The following FBXL17 variants were observed in gnomAD, a reference collection of about 807,000 sequenced individuals.
FBXL17 encodes F-box/LRR-repeat protein 17.
A neutral mutation model predicts 66.2 loss-of-function variants in FBXL17; 22 were observed. That is an observed-to-expected ratio of 0.33 (90% confidence interval 0.24 to 0.47). FBXL17 has a LOEUF of 0.47. Among genes scored for constraint, FBXL17 ranks in the 20% least tolerant of loss-of-function variants. FBXL17 has a pLI of 1.00. For synonymous variants in FBXL17, 474 were observed against 400.5 expected (o/e 1.18, Z -2.19); for missense variants, 878 against 948.2 (o/e 0.93, Z 0.97).
At chr5:107,936,678 T>C (rs76825248) in intron 7 of FBXL17, among the ~76,000 whole-genome samples, 1,994 of 152,268 alleles carry the variant, frequency 0.013, 36 homozygotes, top group Non-Finnish European at 0.016. Context: ...TACAGTGATC[T>C]GCTTGTGGAA....
At chr5:108,047,846 A>G (rs557948215) in intron 6 of FBXL17, among the ~76,000 whole-genome samples, 2 of 152,312 alleles carry the variant, frequency 1.3e-5, no homozygotes, top group East Asian at 3.9e-4. Context: ...GCAGACCAGC[A>G]GACTTAACCT....
chr5:107,923,807 G>T (rs780696578), intron 7 of FBXL17, among the ~76,000 whole-genome samples: 3 of 152,074 alleles, frequency 2.0e-5, no homozygotes, highest in Non-Finnish European at 4.4e-5. Flanking sequence ...ACTGTGGGAG[G>T]CACTGTCCTT....
chr5:108,277,441 T>C (rs968271844), intron 4 of FBXL17, among the ~76,000 whole-genome samples: 7 of 151,828 alleles, frequency 4.6e-5, no homozygotes, highest in Non-Finnish European at 1.0e-4. Context: ...AAAATTAAAA[T>C]TGAAGAGTAA....
At chr5:108,058,011 T>C (rs1417168164) in intron 6 of FBXL17, among the ~76,000 whole-genome samples, 2 of 152,180 alleles carry the variant, frequency 1.3e-5, no homozygotes, top group African/African-American at 2.4e-5. Context: ...ATATTCTATG[T>C]TGTGCAAAGT....
chr5:107,980,645 A>T (rs796179165), intron 7 of FBXL17, among the ~76,000 whole-genome samples: 2,171 of 76,076 alleles, frequency 0.029, 70 homozygotes, highest in East Asian at 0.066. Context: ...CCAATAAAAT[A>T]ATATATATAT....
intron 6 of FBXL17, among the ~76,000 whole-genome samples, chr5:108,143,436 T>C (rs529188112): frequency 1.3e-5 from 2 of 152,056 alleles, no homozygotes; most frequent in Admixed American, 1.3e-4. Flanking sequence ...ATAAAGAACA[T>C]GAAGTGTAAC....
chr5:108,113,251 G>T (rs1219291919), intron 6 of FBXL17, among the ~76,000 whole-genome samples: 2 of 152,104 alleles, frequency 1.3e-5, no homozygotes, highest in Admixed American at 1.3e-4. Context: ...AACCTGACTA[G>T]ATCTCAGTCT....
chr5:107,881,027 CA>C lies in FBXL17; in HGVS notation c.1965+9del, dbSNP rs1265961785. On this transcript the variant is annotated intron_variant, in intron 8 of 8. Coordinates refer to ENST00000542267, the MANE Select transcript of FBXL17 (RefSeq NM_001163315.3). ...TGTAGAAAGCAAACAACTTGATAGTCAACTCTTACTTTATCACATCTCATCA... is the reference window on the plus strand; with the variant it reads ...TGTAGAAAGCAAACAACTTGATAGTCACTCTTACTTTATCACATCTCATCA... The C allele has an allele frequency of 6.2e-7, 1 of 1,614,030 alleles. No homozygotes were observed. The highest frequency in any genetic ancestry group is 1.7e-5 in the Admixed American group (1 of 60,014).
chr5:108,336,459 AAAGAG>A (rs1383263922), intron 4 of FBXL17, among the ~76,000 whole-genome samples: 1 of 152,198 alleles, frequency 6.6e-6, no homozygotes, highest in Non-Finnish European at 1.5e-5. Context: ...TGACAAAAGA[AAAGAG>A]ACTACACTTC....
chr5:107,861,358 G>A lies in FBXL17; in HGVS notation c.*362C>T, dbSNP rs1416179111. The A allele has an allele frequency of 6.4e-6, 1 of 155,458 alleles. No homozygotes were observed. Among genetic ancestry groups the A allele is most frequent in the Non-Finnish European group, 1.4e-5 (1 of 70,406 alleles). The allele number at this position is 155,458 out of a possible 1,614,324, so 9.6% of individuals were successfully genotyped here. A position where few individuals can be genotyped will look rare whatever the true frequency, so the allele number is the denominator to read the frequency against. On this transcript the variant is annotated 3_prime_UTR_variant, in exon 9 of 9. Coordinates refer to ENST00000542267, the MANE Select transcript of FBXL17 (RefSeq NM_001163315.3). ...GTGCACAATTCATCCCATGTAAAAA[G>A]AAGGCCTTCTTACTTGGACATCTCC... is the stretch of plus-strand genomic sequence containing the variant.
chr5:108,278,903 C>G (rs1475240633), intron 4 of FBXL17, among the ~76,000 whole-genome samples: 1 of 152,206 alleles, frequency 6.6e-6, no homozygotes, highest in Non-Finnish European at 1.5e-5. Flanking sequence ...CCTCCTTTGA[C>G]AAGACAGGGT....
intron 6 of FBXL17, among the ~76,000 whole-genome samples, chr5:108,158,509 C>CTGTG (rs3984948): frequency 0.42 from 63,093 of 149,088 alleles, 13,672 homozygotes; most frequent in South Asian, 0.72. Context: ...GTGTGTGTGT[C>CTGTG]TGTGTGTGTG....
At position 108,231,091 on chromosome 5, in the gene FBXL17, G is replaced by C. The variant is rs1432037636; in HGVS notation, c.1507-6863C>G. ...TGATAAAGAACTATGTCATCTTCTT[G>C]GGGTGAGATGAAGCAAAAACTAAAT... On this transcript the variant is annotated intron_variant, in intron 4 of 8. Coordinates refer to ENST00000542267, the MANE Select transcript of FBXL17 (RefSeq NM_001163315.3). Among the ~76,000 whole-genome samples the C allele has an allele frequency of 2.6e-5, 4 of 152,080 alleles. No homozygotes were observed. The East Asian group carries it at 7.7e-4, about 29-fold the overall frequency.
chr5:108,140,430 A>G (rs1168379024), intron 6 of FBXL17, among the ~76,000 whole-genome samples: 2 of 152,090 alleles, frequency 1.3e-5, no homozygotes, highest in Non-Finnish European at 2.9e-5. Context: ...ATAGTCCTTA[A>G]CCTTCACAAC....
intron 4 of FBXL17, among the ~76,000 whole-genome samples, chr5:108,264,214 CAAAAAAAAAAA>C (rs35346820): frequency 1.4e-4 from 8 of 55,526 alleles, no homozygotes; most frequent in South Asian, 1.2e-3. Flanking sequence ...GACTCTTTCT[CAAAAAAAAAAA>C]AAAAAAAAAA....
intron 8 of FBXL17, among the ~76,000 whole-genome samples, chr5:107,867,988 CAAAT>C (rs1748333359): frequency 1.3e-5 from 2 of 152,098 alleles, no homozygotes; most frequent in Non-Finnish European, 2.9e-5. Flanking sequence ...ATATTTTACT[CAAAT>C]AACCAAGGCA....
chr5:107,936,251 C>T (rs1016558594), intron 7 of FBXL17, among the ~76,000 whole-genome samples: 1 of 152,012 alleles, frequency 6.6e-6, no homozygotes, highest in Non-Finnish European at 1.5e-5. Context: ...CTCATTAAGG[C>T]ATCATGTATC....
intron 7 of FBXL17, among the ~76,000 whole-genome samples, chr5:108,012,995 C>T (rs1580327453): frequency 1.1e-5 from 1 of 91,434 alleles, no homozygotes; most frequent in Non-Finnish European, 2.0e-5. Flanking sequence ...GTCTGGGTAA[C>T]AAGAGCGAAA....
At chr5:108,059,405 C>T (rs1178026654) in intron 6 of FBXL17, among the ~76,000 whole-genome samples, 1 of 152,184 alleles carries the variant, frequency 6.6e-6, no homozygotes, top group Non-Finnish European at 1.5e-5. Flanking sequence ...TGAGAACTGG[C>T]TCCAAGATCA....
Sources: gnomAD v4.1 joint callset for allele counts (sites outside exome capture counted in the v4.1 genomes callset) on GRCh38, gnomAD v4.1.1 for gene constraint, MANE v1.5 for transcripts, NCBI Gene and HGNC (gene_info 2026-07-23, HGNC 2026-07-21) for gene names.